The following STXBP5L variants were observed in gnomAD, a reference collection of about 807,000 sequenced individuals.
STXBP5L encodes syntaxin-binding protein 5-like.
In STXBP5L, 65 loss-of-function variants were observed where a neutral mutation model predicts 144.5. The observed-to-expected ratio is 0.45, with a 90% CI of 0.37 to 0.55. The LOEUF is 0.55. Among genes scored for constraint, STXBP5L ranks in the 20% least tolerant of loss-of-function variants. The probability of loss-of-function intolerance (pLI) is 0.00; values close to 1 mark genes in which losing one functional copy is unlikely to be tolerated. For synonymous variants in STXBP5L, 505 were observed against 469.6 expected, an observed-to-expected ratio of 1.08 and a Z score of -0.97; for missense variants, 1,298 against 1,405.5, an observed-to-expected ratio of 0.92 and a Z score of 1.22.
At chr3:120,970,504 A>G (rs1317460583) in intron 3 of STXBP5L, among the ~76,000 whole-genome samples, 4 of 152,120 alleles carry the variant, frequency 2.6e-5, no homozygotes, top group Middle Eastern at 6.3e-3. Flanking sequence ...TCCCATTATC[A>G]TCTGGACAGC....
At chr3:121,233,571 G>C (rs749276925) in intron 11 of STXBP5L, 45 bp from the exon 12 acceptor site, 1 of 1,462,936 alleles carries the variant, frequency 6.8e-7, no homozygotes, top group East Asian at 2.4e-5. Context: ...TGATTTTATA[G>C]TATATACAAT....
chr3:121,413,618 C>T (rs1024625847), intron 24 of STXBP5L, among the ~76,000 whole-genome samples: 1 of 152,092 alleles, frequency 6.6e-6, no homozygotes, highest in Admixed American at 6.6e-5. Flanking sequence ...TATAAACTCT[C>T]CCCTCAGGGT....
At chr3:120,969,877 T>C (rs923192288) in intron 3 of STXBP5L, among the ~76,000 whole-genome samples, 5 of 152,118 alleles carry the variant, frequency 3.3e-5, no homozygotes, top group Non-Finnish European at 7.4e-5. Context: ...TGTTTTCCTC[T>C]GTTACTGTTT....
At chr3:121,156,484 C>G (rs993522097) in intron 8 of STXBP5L, among the ~76,000 whole-genome samples, 8 of 151,860 alleles carry the variant, frequency 5.3e-5, no homozygotes, top group Non-Finnish European at 1.2e-4. Context: ...GTACTTTACC[C>G]AAGTTCTGTA....
chr3:121,269,719 G>T (rs1229909753), intron 18 of STXBP5L, among the ~76,000 whole-genome samples: 1 of 152,154 alleles, frequency 6.6e-6, no homozygotes, highest in Non-Finnish European at 1.5e-5. Flanking sequence ...AAGAAGAGAG[G>T]TTTTTTATCT....
rs986903686 is a variant in STXBP5L, at chr3:121,420,041, T to C, written c.*944T>C. On this transcript the variant is annotated 3_prime_UTR_variant, in exon 27 of 27. Transcript: ENST00000471454. Reference sequence around the variant, plus strand: ...TGATATATTTTAAAAGCTTCATTTGTATCCTTGTCTGCCAGTTACACAGTA... The same window carrying C: ...TGATATATTTTAAAAGCTTCATTTGCATCCTTGTCTGCCAGTTACACAGTA... 3.9e-5 allele frequency: 6 copies of C among 152,232 alleles called. No individual in the cohort carries two copies. The allele number at this position is 152,232 out of a possible 1,614,324, so 9.4% of individuals were successfully genotyped here.
chr3:121,036,539 A>G (rs1160498286), intron 3 of STXBP5L, among the ~76,000 whole-genome samples: 4 of 152,150 alleles, frequency 2.6e-5, no homozygotes, highest in African/African-American at 9.7e-5. Flanking sequence ...AAATAATGAT[A>G]GATGATTCTT....
At chr3:121,180,351 G>A (rs775279216) in intron 9 of STXBP5L, among the ~76,000 whole-genome samples, 13 of 152,194 alleles carry the variant, frequency 8.5e-5, no homozygotes, top group Non-Finnish European at 1.8e-4. Context: ...CTTCATTAAT[G>A]AAGGAGAGAC....
intron 25 of STXBP5L, among the ~76,000 whole-genome samples, chr3:121,416,495 AT>A (rs370712974): frequency 3.0e-4 from 32 of 107,558 alleles, no homozygotes; most frequent in South Asian, 1.5e-3. Flanking sequence ...TTATTTATTT[AT>A]TTATTTATTT....
At chr3:121,108,506 T>G (rs552731468) in intron 5 of STXBP5L, among the ~76,000 whole-genome samples, 1 of 152,172 alleles carries the variant, frequency 6.6e-6, no homozygotes, top group East Asian at 1.9e-4. Context: ...GTTTACATGA[T>G]GAATTACATT....
intron 7 of STXBP5L, among the ~76,000 whole-genome samples, chr3:121,125,100 G>T (rs559839516): frequency 6.6e-6 from 1 of 152,070 alleles, no homozygotes; most frequent in Non-Finnish European, 1.5e-5. Flanking sequence ...AACTTGGAAG[G>T]GGAAAGCTTC....
Position 121,423,065 on chromosome 3 carries a change from T to TA in STXBP5L, c.*3969dup, listed in dbSNP as rs2047387557. The TA allele has an allele frequency of 6.6e-6, 1 of 152,156 alleles. No individual in the cohort carries two copies. Among genetic ancestry groups the TA allele is most frequent in the African/African-American group, 2.4e-5 (1 of 41,452 alleles). The allele number at this position is 152,156 out of a possible 1,614,324, so 9.4% of individuals were successfully genotyped here. A position where few individuals can be genotyped will look rare whatever the true frequency, so the allele number is the denominator to read the frequency against. On this transcript the variant is annotated 3_prime_UTR_variant, in exon 27 of 27. Transcript: ENST00000471454. ...GGATCATTGGGTCAAACTGGGAGTA[T>TA]ATCTGTGTGATTACAACCTGCTGCT...
At chr3:121,313,129 A>C in intron 19 of STXBP5L, among the ~76,000 whole-genome samples, 1 of 121,592 alleles carries the variant, frequency 8.2e-6, no homozygotes, top group African/African-American at 3.3e-5. Context: ...GCGGCTGGCC[A>C]GGCAGAGGGG....
chr3:121,351,260 G>T (rs778524611), intron 20 of STXBP5L, among the ~76,000 whole-genome samples: 1 of 152,142 alleles, frequency 6.6e-6, no homozygotes, highest in Non-Finnish European at 1.5e-5. Flanking sequence ...AGCAACAGAG[G>T]CTGCAGAACA....
chr3:121,106,513 G>A (rs959671666), intron 5 of STXBP5L, among the ~76,000 whole-genome samples: 2 of 152,142 alleles, frequency 1.3e-5, no homozygotes, highest in Admixed American at 1.3e-4. Context: ...TTCTGTTCCT[G>A]TGTTAGTTTG....
chr3:121,002,990 A>T (rs1487067868), intron 3 of STXBP5L, among the ~76,000 whole-genome samples: 2 of 152,100 alleles, frequency 1.3e-5, no homozygotes, highest in Non-Finnish European at 2.9e-5. Flanking sequence ...AGTCCTTGCT[A>T]TTGTGAATAG....
At chr3:120,966,127 A>C (rs1426747768) in intron 3 of STXBP5L, among the ~76,000 whole-genome samples, 1 of 152,188 alleles carries the variant, frequency 6.6e-6, no homozygotes, top group Non-Finnish European at 1.5e-5. Flanking sequence ...TTTCAGCTCC[A>C]TCAGGTCATT....
chr3:121,297,694 C>T lies in STXBP5L; in HGVS notation c.2110+17738C>T, dbSNP rs111943321. On this transcript the variant is annotated intron_variant, in intron 19 of 26. Transcript: ENST00000471454. ...GCTTGAACCCAGAAGGTGGAAGTTG[C>T]AGTGAGCCAAAATCGCGCCACTGCA... Among the ~76,000 whole-genome samples the T allele has an allele frequency of 1.9e-3, 295 of 152,244 alleles. 1 individual carries two copies. Among genetic ancestry groups the T allele is most frequent in the Middle Eastern group, 6.8e-3 (2 of 294 alleles).
At chr3:120,986,306 G>T (rs1031540107) in intron 3 of STXBP5L, among the ~76,000 whole-genome samples, 1 of 151,890 alleles carries the variant, frequency 6.6e-6, no homozygotes, top group Non-Finnish European at 1.5e-5. Context: ...TTGGCCTAAC[G>T]TATGATCTGT....
Sources: allele counts gnomAD v4.1 joint callset (sites outside exome capture counted in the v4.1 genomes callset), GRCh38; gene constraint gnomAD v4.1.1; transcripts MANE v1.5; gene names NCBI Gene and HGNC (gene_info 2026-07-23, HGNC 2026-07-21).